The following ASAP1 variants were observed in gnomAD, a reference collection of about 807,000 sequenced individuals.
The protein encoded by ASAP1 is ArfGAP with SH3 domain, ankyrin repeat and PH domain 1.
Under a neutral mutation model 145.2 loss-of-function variants are expected in ASAP1, and 43 were observed. That is an observed-to-expected ratio of 0.30 (90% CI 0.23 to 0.38). The LOEUF (loss-of-function observed/expected upper bound fraction) is 0.38. Ranked by LOEUF, ASAP1 falls within the 10% of genes least tolerant of loss-of-function variation. ASAP1 has a pLI of 1.00. For synonymous variants in ASAP1, 546 were observed against 515.5 expected (o/e 1.06, Z -0.80); for missense variants, 1,018 against 1,355.3 (o/e 0.75, Z 3.91).
intron 14 of ASAP1, among the ~76,000 whole-genome samples, chr8:130,136,086 T>C (rs895225005): frequency 1.4e-4 from 22 of 152,208 alleles, no homozygotes; most frequent in African/African-American, 5.3e-4. Flanking sequence ...TACTTAAGAT[T>C]AGTGTTGCAG....
Position 130,236,797 on chromosome 8 carries a change from C to A in ASAP1, c.259+125G>T, listed in dbSNP as rs1263269099. The A allele has an allele frequency of 9.3e-6, 6 of 647,604 alleles. No homozygotes were observed. The South Asian group carries it at 1.2e-4, about 13-fold the overall frequency. 40.1% of individuals were successfully genotyped at this position (647,604 alleles called of 1,614,324 possible). A position where few individuals can be genotyped will look rare whatever the true frequency, so the allele number is the denominator to read the frequency against. Reference sequence around the variant, plus strand: ...AGATAAGAGAAAAAAAGAGAAATTTCTTTTACCTACTTACTTTTCCATTTG... The same window carrying A: ...AGATAAGAGAAAAAAAGAGAAATTTATTTTACCTACTTACTTTTCCATTTG... On this transcript the variant is annotated intron_variant, in intron 4 of 29. Transcript: ENST00000518721.
intron 3 of ASAP1, among the ~76,000 whole-genome samples, chr8:130,347,147 G>T (rs1198543479): frequency 6.6e-5 from 10 of 152,194 alleles, no homozygotes. Context: ...ATCCATCCTG[G>T]ATATCTACGG....
chr8:130,277,937 T>C (rs1308198193), intron 3 of ASAP1, among the ~76,000 whole-genome samples: 1 of 152,188 alleles, frequency 6.6e-6, no homozygotes, highest in Non-Finnish European at 1.5e-5. Flanking sequence ...GGACCTCATC[T>C]GGGTAGAGCT....
rs552212492 is a variant in ASAP1, at chr8:130,383,796, T to C, written c.59+18089A>G. Among the ~76,000 whole-genome samples, 3 of 152,306 alleles carry C rather than the reference T, an allele frequency of 2.0e-5. No individual in the cohort carries two copies. In the South Asian group the frequency reaches 6.2e-4, roughly 32 times the overall value. On this transcript the variant is annotated intron_variant, in intron 2 of 29. Coordinates refer to ENST00000518721, the MANE Select transcript of ASAP1 (RefSeq NM_018482.4). ...AGAGCCCTGAAGCCAGCACTAGCCTTGGATTTTTCTTTCTTTTCTACCACT... is the reference window on the plus strand; with the variant it reads ...AGAGCCCTGAAGCCAGCACTAGCCTCGGATTTTTCTTTCTTTTCTACCACT...
intron 3 of ASAP1, among the ~76,000 whole-genome samples, chr8:130,264,087 G>A (rs1820100953): frequency 6.6e-6 from 1 of 152,180 alleles, no homozygotes; most frequent in Non-Finnish European, 1.5e-5. Flanking sequence ...ATGGTGTGGA[G>A]GTCAACAGAG....
At chr8:130,424,326 A>G (rs964300819) in intron 1 of ASAP1, among the ~76,000 whole-genome samples, 2 of 152,084 alleles carry the variant, frequency 1.3e-5, no homozygotes, top group Non-Finnish European at 2.9e-5. Context: ...CCCCCAGCCT[A>G]TTGGTCTGAC....
intron 3 of ASAP1, among the ~76,000 whole-genome samples, chr8:130,310,929 C>T (rs765071347): frequency 8.5e-5 from 13 of 152,202 alleles, no homozygotes; most frequent in Non-Finnish European, 1.6e-4. Context: ...AAGTTTGGGA[C>T]TCAAGACCAA....
intron 27 of ASAP1, among the ~76,000 whole-genome samples, chr8:130,064,711 T>C (rs1309151486): frequency 6.6e-6 from 1 of 152,132 alleles, no homozygotes; most frequent in Non-Finnish European, 1.5e-5. Flanking sequence ...ATCCCACAGC[T>C]TGAGGCTCAG....
chr8:130,417,815 A>G lies in ASAP1; in HGVS notation c.-27-15845T>C, dbSNP rs142856973. ...CAGGCAGGATCTCACCAAAGGGGCC[A>G]CTGGCTTTCAGGCTTACATCCAGAC... On this transcript the variant is annotated intron_variant, in intron 1 of 29. Transcript: ENST00000518721. 1.6e-3 allele frequency among the ~76,000 whole-genome samples: 239 copies of G among 152,314 alleles called. 1 individual carries two copies. Among genetic ancestry groups the G allele is most frequent in the African/African-American group, 5.4e-3 (225 of 41,570 alleles).
At chr8:130,362,054 G>C (rs1449763228) in intron 2 of ASAP1, among the ~76,000 whole-genome samples, 1 of 152,030 alleles carries the variant, frequency 6.6e-6, no homozygotes, top group African/African-American at 2.4e-5. Context: ...TTGTCGCCTT[G>C]AAAAAAAGGC....
chr8:130,238,737 G>A (rs1278587921), intron 3 of ASAP1, among the ~76,000 whole-genome samples: 1 of 151,982 alleles, frequency 6.6e-6, no homozygotes, highest in Non-Finnish European at 1.5e-5. Flanking sequence ...AATATTTATA[G>A]AAAGGCAAGG....
At chr8:130,055,030 G>A (rs1261626168) in intron 29 of ASAP1, among the ~76,000 whole-genome samples, 1 of 151,836 alleles carries the variant, frequency 6.6e-6, no homozygotes, top group Non-Finnish European at 1.5e-5. Flanking sequence ...ATTCTACATG[G>A]ATCTTGCTGT....
chr8:130,325,725 A>C (rs796886897), intron 3 of ASAP1, among the ~76,000 whole-genome samples: 2 of 152,214 alleles, frequency 1.3e-5, no homozygotes, highest in Non-Finnish European at 1.5e-5. Flanking sequence ...CCAAGTGACT[A>C]AGTTAGGGCA....
At chr8:130,185,982 C>T (rs1814700538) in intron 7 of ASAP1, among the ~76,000 whole-genome samples, 2 of 152,138 alleles carry the variant, frequency 1.3e-5, no homozygotes, top group South Asian at 2.1e-4. Context: ...CATCATGTTT[C>T]GTTGTTCCTA....
chr8:130,422,679 C>T (rs1306259678), intron 1 of ASAP1, among the ~76,000 whole-genome samples: 1 of 152,206 alleles, frequency 6.6e-6, no homozygotes, highest in Admixed American at 6.5e-5. Flanking sequence ...TGGAGATTAA[C>T]AATCATCTTG....
At chr8:130,118,319 G>A in intron 19 of ASAP1, 73 bp from the exon 20 acceptor site, 1 of 1,463,926 alleles carries the variant, frequency 6.8e-7, no homozygotes, top group Admixed American at 1.9e-5. Context: ...TATATCAGTT[G>A]CCCCCAAGTA....
chr8:130,323,130 A>T (rs1468343132), intron 3 of ASAP1, among the ~76,000 whole-genome samples: 1 of 152,314 alleles, frequency 6.6e-6, no homozygotes, highest in South Asian at 2.1e-4. Flanking sequence ...CCTAAACAAA[A>T]GCAACTGCTC....
At chr8:130,112,058 G>A (rs565835258) in intron 24 of ASAP1, 36 bp downstream of exon 24, 32 of 1,575,092 alleles carry the variant, frequency 2.0e-5, no homozygotes, top group East Asian at 2.0e-4. Context: ...CAAGCCCTTC[G>A]AGGATGGAGT....
At chr8:130,118,416 A>C in intron 19 of ASAP1, 73 bp downstream of exon 19, 1 of 1,477,630 alleles carries the variant, frequency 6.8e-7, no homozygotes, top group Non-Finnish European at 9.2e-7. Context: ...ATATGGTATA[A>C]TGTTAAAATA....
Sources: gnomAD v4.1 joint callset for allele counts (sites outside exome capture counted in the v4.1 genomes callset) on GRCh38, gnomAD v4.1.1 for gene constraint, MANE v1.5 for transcripts, NCBI Gene and HGNC (gene_info 2026-07-23, HGNC 2026-07-21) for gene names.